The following ARID2 variants were observed in gnomAD, a reference collection of about 807,000 sequenced individuals.
The protein encoded by ARID2 is AT-rich interactive domain-containing protein 2.
In ARID2, 32 loss-of-function variants were observed where a neutral mutation model predicts 184.6. The ratio of observed to expected loss-of-function variants is 0.17; its 90% confidence interval spans 0.13 to 0.23. The LOEUF (loss-of-function observed/expected upper bound fraction) is 0.23, where lower values mean the gene tolerates loss of function less well. ARID2 is among the 10% of genes least tolerant of loss of function. The probability of loss-of-function intolerance (pLI) is 1.00; values close to 1 mark genes in which losing one functional copy is unlikely to be tolerated. For missense variants in ARID2, 1,696 were observed against 2,197.6 expected (o/e 0.77, Z 4.56); for synonymous variants, 836 against 772.6 (o/e 1.08, Z -1.36).
Position 45,892,107 on chromosome 12 carries a change from T to C in ARID2, c.5147+11T>C. 2 of 1,610,418 alleles carry C rather than the reference T, an allele frequency of 1.2e-6. No homozygotes were observed. The highest frequency in any genetic ancestry group is 8.5e-7 in the Non-Finnish European group (1 of 1,178,420). ...GAAGTCTTCTACCAAGTAAGGAAAATGAGTTTACTTCCTGTTGTACATACA... is the reference window on the plus strand; with the variant it reads ...GAAGTCTTCTACCAAGTAAGGAAAACGAGTTTACTTCCTGTTGTACATACA... On this transcript the variant is annotated intron_variant, in intron 18 of 20. Transcript: ENST00000334344.
chr12:45,873,908 A>G (rs1353635000), intron 16 of ARID2: 3 of 152,190 alleles, frequency 2.0e-5, no homozygotes, highest in Non-Finnish European at 2.9e-5. Flanking sequence ...AGTCATGTCA[A>G]TTTCTTAAAA....
chr12:45,793,016 G>C (rs889186033), intron 3 of ARID2, among the ~76,000 whole-genome samples: 1 of 151,646 alleles, frequency 6.6e-6, no homozygotes, highest in African/African-American at 2.4e-5. Flanking sequence ...GTCTTATTTT[G>C]GGCCGGGTGC....
At chr12:45,767,395 T>A (rs943486381) in intron 3 of ARID2, among the ~76,000 whole-genome samples, 2 of 152,218 alleles carry the variant, frequency 1.3e-5, no homozygotes, top group African/African-American at 4.8e-5. Flanking sequence ...TTTTTTCAAT[T>A]TTTTTTCTTT....
At chr12:45,895,771 G>A (rs536497560) in intron 20 of ARID2, among the ~76,000 whole-genome samples, 6 of 152,268 alleles carry the variant, frequency 3.9e-5, no homozygotes, top group East Asian at 1.9e-4. Flanking sequence ...CTGACCTCGT[G>A]ATCCACCTGC....
At chr12:45,880,832 A>C (rs534784995) in intron 16 of ARID2, 1 of 157,406 alleles carries the variant, frequency 6.4e-6, no homozygotes, top group Non-Finnish European at 1.4e-5. Context: ...TAGTGTCCTT[A>C]ATCTTTGCAG....
chr12:45,752,123 T>C (rs756010103), intron 3 of ARID2, among the ~76,000 whole-genome samples: 1 of 152,248 alleles, frequency 6.6e-6, no homozygotes, highest in Non-Finnish European at 1.5e-5. Context: ...GTCTATAATA[T>C]GTGTTAATAG....
intron 3 of ARID2, among the ~76,000 whole-genome samples, chr12:45,751,449 C>T (rs1174312201): frequency 6.6e-6 from 1 of 152,114 alleles, no homozygotes; most frequent in Non-Finnish European, 1.5e-5. Flanking sequence ...CTACTGAAGC[C>T]ATTGGAGGAT....
intron 16 of ARID2, among the ~76,000 whole-genome samples, chr12:45,889,732 G>A (rs1340331294): frequency 3.9e-5 from 6 of 152,254 alleles, no homozygotes; most frequent in Non-Finnish European, 5.9e-5. Flanking sequence ...AAGGTCAGGA[G>A]TTCGAGACCA....
chr12:45,855,779 C>T (rs1428378039), intron 15 of ARID2, among the ~76,000 whole-genome samples: 1 of 152,174 alleles, frequency 6.6e-6, no homozygotes, highest in African/African-American at 2.4e-5. Flanking sequence ...TGCAGTAGTG[C>T]AATCACAGCT....
At chr12:45,798,291 G>A (rs1942430359) in intron 3 of ARID2, among the ~76,000 whole-genome samples, 1 of 151,958 alleles carries the variant, frequency 6.6e-6, no homozygotes, top group Non-Finnish European at 1.5e-5. Flanking sequence ...ATGCAATGTA[G>A]GATAAATTTC....
At chr12:45,747,023 C>T (rs1163400204) in intron 3 of ARID2, among the ~76,000 whole-genome samples, 1 of 152,188 alleles carries the variant, frequency 6.6e-6, no homozygotes, top group Admixed American at 6.5e-5. Context: ...CCCGCCTCAG[C>T]CTCCCAAAGT....
intron 3 of ARID2, among the ~76,000 whole-genome samples, chr12:45,742,852 A>G (rs532350521): frequency 6.6e-6 from 1 of 152,210 alleles, no homozygotes; most frequent in East Asian, 1.9e-4. Context: ...GAATAAATGC[A>G]CATGTAGTTT....
At chr12:45,767,917 A>G (rs1000971892) in intron 3 of ARID2, among the ~76,000 whole-genome samples, 3 of 152,216 alleles carry the variant, frequency 2.0e-5, no homozygotes, top group Non-Finnish European at 2.9e-5. Flanking sequence ...GGACAGCATG[A>G]GTCTTTCTGT....
At chr12:45,759,791 T>C (rs1941639273) in intron 3 of ARID2, among the ~76,000 whole-genome samples, 1 of 152,156 alleles carries the variant, frequency 6.6e-6, no homozygotes, top group Non-Finnish European at 1.5e-5. Flanking sequence ...CAATCTCCTG[T>C]GCTCAAGTGA....
chr12:45,746,338 T>C (rs189285618), intron 3 of ARID2, among the ~76,000 whole-genome samples: 499 of 152,228 alleles, frequency 3.3e-3, no homozygotes, highest in African/African-American at 0.012. Flanking sequence ...TTCCAACTCC[T>C]GGCCTCAAGT....
intron 6 of ARID2, among the ~76,000 whole-genome samples, chr12:45,825,766 A>G (rs151054613): frequency 4.1e-4 from 62 of 152,218 alleles, no homozygotes; most frequent in African/African-American, 1.3e-3. Context: ...TGGGAGGCTG[A>G]GGCAGAAGGA....
In ARID2 at chr12:45,852,778, C is replaced by A. The variant is rs781147197; in HGVS notation, c.4655C>A (p.Thr1552Lys). 6.2e-7 allele frequency: 1 copy of A among 1,614,144 alleles called. No individual in the cohort carries two copies. The change falls in exon 15 of 21, where the codon ACA becomes AAA. Residue 1552 changes from threonine (T) to lysine (K), a missense_variant. Physicochemically the swap from Thr to Lys is moderately conservative, Grantham distance 78. Coordinates refer to ENST00000334344, the MANE Select transcript of ARID2 (RefSeq NM_152641.4). ...SDPNNAGCSA[T>K]MVAVPAGADP... ...CCCAACAATGCTGGCTGCAGCGCAA[C>A]AATGGTTGCTGTGCCAGCAGGAGCA...
intron 20 of ARID2, among the ~76,000 whole-genome samples, chr12:45,902,358 A>T (rs186667119): frequency 1.3e-5 from 2 of 152,276 alleles, no homozygotes; most frequent in African/African-American, 4.8e-5. Flanking sequence ...TATTCTTTCT[A>T]GTTTTATCCA....
intron 16 of ARID2, among the ~76,000 whole-genome samples, chr12:45,876,838 C>G (rs1396404521): frequency 3.3e-5 from 5 of 150,514 alleles, no homozygotes; most frequent in Admixed American, 2.6e-4. Flanking sequence ...GCCTGTAATC[C>G]CAGCACTTTG....
Sources: allele counts gnomAD v4.1 joint callset (sites outside exome capture counted in the v4.1 genomes callset), GRCh38; gene constraint gnomAD v4.1.1; transcripts MANE v1.5; gene names NCBI Gene and HGNC (gene_info 2026-07-23, HGNC 2026-07-21).